RAB40C: variants seen among roughly 807,000 people sequenced by gnomAD.
The protein encoded by RAB40C is RAB40C, member RAS oncogene family.
RAB40C carries 8 observed loss-of-function variants against 28.1 expected under a neutral mutation model. The ratio of observed to expected loss-of-function variants is 0.28; its 90% CI spans 0.17 to 0.51. RAB40C has a LOEUF of 0.51. RAB40C is among the 20% of genes least tolerant of loss of function. The pLI, the probability that RAB40C is intolerant of heterozygous loss-of-function variation, is 0.97. For synonymous variants in RAB40C, 201 were observed against 171.7 expected (o/e 1.17, Z -1.34); for missense variants, 288 against 405.9 (o/e 0.71, Z 2.50).
At chr16:606,717 C>G (rs1231054925) in intron 1 of RAB40C, among the ~76,000 whole-genome samples, 3 of 152,256 alleles carry the variant, frequency 2.0e-5, no homozygotes, top group Non-Finnish European at 4.4e-5. Flanking sequence ...GCGTTGTTCA[C>G]GGAGGGCCCT....
chr16:615,802 AATT>A (rs1170787992), intron 1 of RAB40C, among the ~76,000 whole-genome samples: 2 of 152,096 alleles, frequency 1.3e-5, no homozygotes, highest in South Asian at 2.1e-4. Context: ...TCTCTACTAA[AATT>A]ATAAAAATTA....
At chr16:623,473 C>T (rs1039241147) in intron 3 of RAB40C, among the ~76,000 whole-genome samples, 13 of 151,308 alleles carry the variant, frequency 8.6e-5, no homozygotes, top group Non-Finnish European at 2.9e-5. Context: ...CACGGTGAAA[C>T]CCTGTCTCTA....
intron 1 of RAB40C, among the ~76,000 whole-genome samples, chr16:596,701 G>A (rs1416825572): frequency 6.6e-6 from 1 of 152,230 alleles, no homozygotes; most frequent in East Asian, 1.9e-4. Flanking sequence ...TACGAAGGCG[G>A]TGGGAAGAGG....
intron 1 of RAB40C, among the ~76,000 whole-genome samples, chr16:601,815 T>TAAAAAAAAAAAAAAAAAA (rs60094426): frequency 3.7e-5 from 1 of 27,200 alleles, no homozygotes; most frequent in Non-Finnish European, 7.1e-5. Context: ...CAAAAAAAAG[T>TAAAAAAAAAAAAAAAAAA]AAAAAAAAAA....
intron 1 of RAB40C, among the ~76,000 whole-genome samples, chr16:603,183 G>C (rs751532055): frequency 7.2e-5 from 11 of 152,216 alleles, no homozygotes; most frequent in Admixed American, 6.5e-5. Flanking sequence ...CTTTTGGCTT[G>C]TTGTGGGTTT....
Position 627,862 on chromosome 16 carries a change from G to A in RAB40C, c.*240G>A. 2 of 470,004 alleles carry A rather than the reference G, an allele frequency of 4.3e-6. No individual in the cohort carries two copies. The highest frequency in any genetic ancestry group is 3.7e-6 in the Non-Finnish European group (1 of 273,642). The allele number at this position is 470,004 out of a possible 1,614,324, so 29.1% of individuals were successfully genotyped here. A position where few individuals can be genotyped will look rare whatever the true frequency, so the allele number is the denominator to read the frequency against. ...TTCCGGGAATCTTGGTCGGAAACAA[G>A]CCGGGCCTCCCCAGCTGCCTGGGCT... On this transcript the variant is annotated 3_prime_UTR_variant, in exon 6 of 6. Transcript: ENST00000248139.
At chr16:594,882 C>T (rs933404949) in intron 1 of RAB40C, among the ~76,000 whole-genome samples, 17 of 150,396 alleles carry the variant, frequency 1.1e-4, no homozygotes, top group African/African-American at 3.2e-4. Flanking sequence ...TGCAGTGGCG[C>T]GATCTCGGCT....
intron 1 of RAB40C, among the ~76,000 whole-genome samples, chr16:602,541 G>T (rs896846054): frequency 6.6e-6 from 1 of 152,070 alleles, no homozygotes; most frequent in Non-Finnish European, 1.5e-5. Flanking sequence ...CAAGCCTCTT[G>T]CCTCAGCCCC....
chr16:618,026 G>A (rs1024451700), intron 2 of RAB40C, among the ~76,000 whole-genome samples, 174 bp from the exon 3 acceptor site: 10 of 152,140 alleles, frequency 6.6e-5, no homozygotes, highest in Admixed American at 2.0e-4. Context: ...TCAGCGGCAC[G>A]GCGCCAGGCT....
intron 1 of RAB40C, among the ~76,000 whole-genome samples, chr16:593,335 A>G (rs1042023367): frequency 1.3e-5 from 2 of 152,214 alleles, no homozygotes; most frequent in Non-Finnish European, 2.9e-5. Flanking sequence ...TTCTCCTTTG[A>G]AAGAGTTGTA....
rs751811524 is a variant in RAB40C at position 627,403 on chromosome 16, C to G, written c.627C>G (p.Ile209Met). 2 of 1,613,952 alleles carry G rather than the reference C, an allele frequency of 1.2e-6. No homozygotes were observed. Among genetic ancestry groups the G allele is most frequent in the East Asian group, 4.5e-5 (2 of 44,884 alleles). Residue 209 changes from isoleucine to methionine, a missense_variant, in exon 6 of 6, where the codon ATC becomes ATG. Physicochemically the swap from Ile to Met is conservative, Grantham distance 10 (BLOSUM62 1). Coordinates refer to ENST00000248139, the MANE Select transcript of RAB40C (RefSeq NM_021168.5). ...AIVSCTPVHL[I>M]DKLPLPVTIK... is the part of the protein sequence containing the mutation. ...TCTCCTGCACCCCCGTGCACCTCAT[C>G]GACAAGCTTCCACTGCCCGTCACCA... is the stretch of plus-strand genomic sequence containing the variant.
chr16:620,548 G>A (rs1044213470), intron 3 of RAB40C, among the ~76,000 whole-genome samples: 1 of 152,150 alleles, frequency 6.6e-6, no homozygotes, highest in East Asian at 1.9e-4. Context: ...GACAATAAAG[G>A]GTTGTTGGGG....
chr16:620,812 C>T (rs1219201959), intron 3 of RAB40C, among the ~76,000 whole-genome samples: 1 of 145,530 alleles, frequency 6.9e-6, no homozygotes, highest in Non-Finnish European at 1.5e-5. Context: ...ACGGGCTCCA[C>T]CGCGGGCATC....
chr16:619,776 C>G (rs1234304027), intron 3 of RAB40C, among the ~76,000 whole-genome samples: 2 of 152,202 alleles, frequency 1.3e-5, no homozygotes, highest in African/African-American at 4.8e-5. Flanking sequence ...CAGGAAGCTG[C>G]CCAGGTGCGA....
intron 1 of RAB40C, among the ~76,000 whole-genome samples, chr16:596,849 T>G (rs1010637108): frequency 2.6e-5 from 4 of 152,180 alleles, no homozygotes; most frequent in African/African-American, 9.7e-5. Flanking sequence ...GGACTCGCAC[T>G]TTGAGCCTAA....
intron 1 of RAB40C, among the ~76,000 whole-genome samples, chr16:615,682 C>T (rs562228047): frequency 2.0e-5 from 3 of 152,322 alleles, no homozygotes; most frequent in South Asian, 4.1e-4. Flanking sequence ...GTGATGTGGG[C>T]CGGGCACGGT....
chr16:593,734 G>T (rs1246173471), intron 1 of RAB40C, among the ~76,000 whole-genome samples: 2 of 152,260 alleles, frequency 1.3e-5, no homozygotes, highest in Non-Finnish European at 2.9e-5. Context: ...GCCCCTGTGA[G>T]CTCTTCCGTG....
intron 1 of RAB40C, among the ~76,000 whole-genome samples, chr16:614,215 T>C (rs939486178): frequency 6.8e-6 from 1 of 147,706 alleles, no homozygotes; most frequent in African/African-American, 2.5e-5. Context: ...CTGCTAACTC[T>C]GCCGCATCCC....
chr16:598,561 CA>C (rs938034632), intron 1 of RAB40C, among the ~76,000 whole-genome samples: 711 of 54,922 alleles, frequency 0.013, 6 homozygotes, highest in African/African-American at 0.037. Flanking sequence ...CTCTGTCTCA[CA>C]AAAAAAAAAA....
Sources: gnomAD v4.1 joint callset for allele counts (sites outside exome capture counted in the v4.1 genomes callset) on GRCh38, gnomAD v4.1.1 for gene constraint, MANE v1.5 for transcripts, NCBI Gene and HGNC (gene_info 2026-07-23, HGNC 2026-07-21) for gene names.